ABCC4: variants seen among roughly 807,000 people sequenced by gnomAD.
The protein encoded by ABCC4 is ATP binding cassette subfamily C member 4 (PEL blood group).
Under a neutral mutation model 168.5 loss-of-function variants are expected in ABCC4, and 102 were observed. That is an observed-to-expected ratio of 0.61 (90% CI 0.52 to 0.71). The LOEUF is 0.71. ABCC4 is among the 30% of genes least tolerant of loss of function. The pLI is 0.00. For missense variants in ABCC4, 1,402 were observed against 1,605.8 expected (o/e 0.87, Z 2.17); for synonymous variants, 617 against 590.7 (o/e 1.04, Z -0.65).
chr13:95,157,796 C>T (rs534479980), intron 19 of ABCC4, among the ~76,000 whole-genome samples: 3 of 152,248 alleles, frequency 2.0e-5, no homozygotes, highest in South Asian at 2.1e-4. Flanking sequence ...TCAGGCCGGG[C>T]GCGGTGGCTC....
intron 1 of ABCC4, among the ~76,000 whole-genome samples, chr13:95,255,736 C>CA (rs2040376740): frequency 6.6e-6 from 1 of 152,168 alleles, no homozygotes; most frequent in Non-Finnish European, 1.5e-5. Flanking sequence ...GGACCCTGTC[C>CA]ACCTCTCTTC....
intron 8 of ABCC4, among the ~76,000 whole-genome samples, chr13:95,205,843 C>T (rs995202555): frequency 4.6e-5 from 7 of 152,102 alleles, no homozygotes; most frequent in South Asian, 2.1e-4. Context: ...GTTTCCTCCA[C>T]GATGGGAGGA....
chr13:95,205,757 G>A (rs1050917856), intron 8 of ABCC4, among the ~76,000 whole-genome samples: 17 of 152,312 alleles, frequency 1.1e-4, no homozygotes, highest in African/African-American at 3.1e-4. Context: ...AGGTCGCTAC[G>A]GCAGAGCCCT....
intron 1 of ABCC4, among the ~76,000 whole-genome samples, chr13:95,276,956 T>C (rs2040987033): frequency 6.6e-6 from 1 of 151,810 alleles, no homozygotes. Context: ...GAGGCAAAAG[T>C]TGGAGTTAGC....
chr13:95,091,091 T>C (rs1166056004), intron 20 of ABCC4, among the ~76,000 whole-genome samples: 2 of 151,780 alleles, frequency 1.3e-5, no homozygotes, highest in African/African-American at 2.4e-5. Context: ...ATCCAACAAA[T>C]ACAAATGGAA....
At chr13:95,161,974 T>C (rs570260644) in intron 18 of ABCC4, among the ~76,000 whole-genome samples, 2 of 152,230 alleles carry the variant, frequency 1.3e-5, no homozygotes, top group Non-Finnish European at 1.5e-5. Flanking sequence ...TCATACATTT[T>C]ATTAAGACAT....
intron 26 of ABCC4, among the ~76,000 whole-genome samples, chr13:95,059,671 T>C (rs2033213161): frequency 6.6e-6 from 1 of 152,216 alleles, no homozygotes; most frequent in Non-Finnish European, 1.5e-5. Flanking sequence ...GCTTCACTAT[T>C]TAAATTTACA....
At chr13:95,078,616 G>C (rs1048013166) in intron 21 of ABCC4, among the ~76,000 whole-genome samples, 11 of 152,156 alleles carry the variant, frequency 7.2e-5, no homozygotes, top group African/African-American at 2.7e-4. Flanking sequence ...GCACGCCCCA[G>C]ATGTTCTAGC....
intron 3 of ABCC4, among the ~76,000 whole-genome samples, chr13:95,241,991 CT>C (rs1435613960): frequency 1.1e-4 from 17 of 152,128 alleles, no homozygotes; most frequent in Admixed American, 1.1e-3. Flanking sequence ...TTATATTCTA[CT>C]GTTCAACCTC....
intron 13 of ABCC4, among the ~76,000 whole-genome samples, chr13:95,177,157 T>A (rs2037731303): frequency 6.6e-6 from 1 of 152,144 alleles, no homozygotes. Flanking sequence ...ATGGAGCAAA[T>A]CATTCTTAAA....
At chr13:95,052,632 C>T (rs1473061084) in intron 27 of ABCC4, among the ~76,000 whole-genome samples, 1 of 152,132 alleles carries the variant, frequency 6.6e-6, no homozygotes, top group African/African-American at 2.4e-5. Flanking sequence ...CCCATTCCAA[C>T]TGTATAATTT....
At chr13:95,085,650 C>T (rs1436245628) in intron 20 of ABCC4, among the ~76,000 whole-genome samples, 1 of 152,126 alleles carries the variant, frequency 6.6e-6, no homozygotes, top group Non-Finnish European at 1.5e-5. Context: ...TTCTCAGCAC[C>T]ACCACCTGCA....
chr13:95,258,372 T>C (rs2040444631), intron 1 of ABCC4, among the ~76,000 whole-genome samples: 1 of 152,152 alleles, frequency 6.6e-6, no homozygotes, highest in African/African-American at 2.4e-5. Flanking sequence ...GTTTGTCCCC[T>C]TGCGTGCGAG....
rs1481706677 is a variant in ABCC4, at chr13:95,044,327, C to T, written c.3568G>A (p.Ala1190Thr). 3 of 1,613,282 alleles carry T rather than the reference C, an allele frequency of 1.9e-6. No homozygotes were observed. Among genetic ancestry groups the T allele is most frequent in the African/African-American group, 1.3e-5 (1 of 74,870 alleles). Reference sequence around the variant, plus strand: ...AATATCTGATTTTTCCTGAGAATTGCCCTGGCAAGGCACACCAGTTGTCTT... The same window carrying T: ...AATATCTGATTTTTCCTGAGAATTGTCCTGGCAAGGCACACCAGTTGTCTT... ...GQRQLVCLARAILRKNQILII... is the reference protein window; with the variant it reads ...GQRQLVCLARTILRKNQILII... Residue 1190 changes from alanine (A) to threonine (T), a missense_variant, in exon 28 of 31, where the codon GCA (alanine) becomes ACA (threonine). Ala to Thr is a moderately conservative substitution (Grantham distance 58, BLOSUM62 0). Transcript: ENST00000645237.
intron 20 of ABCC4, among the ~76,000 whole-genome samples, chr13:95,092,555 A>G (rs1005108742): frequency 1.3e-5 from 2 of 152,134 alleles, no homozygotes; most frequent in African/African-American, 4.8e-5. Flanking sequence ...ACCTATCAAA[A>G]CCTCTGGGAT....
chr13:95,095,154 A>G (rs556451033), intron 20 of ABCC4, among the ~76,000 whole-genome samples: 56 of 152,366 alleles, frequency 3.7e-4, no homozygotes, highest in African/African-American at 1.2e-3. Flanking sequence ...CTATCTACCC[A>G]GAGGAAAATA....
Position 95,186,837 on chromosome 13 carries a change from C to A in ABCC4, c.1409G>T (p.Ser470Ile), listed in dbSNP as rs755928739. The change falls in exon 11 of 31, where the codon AGC becomes ATC. Residue 470 changes from serine to isoleucine, a missense_variant. Transcript: ENST00000645237. Reference sequence around the variant, plus strand: ...CACATAGGCAATTCTTCCATGCACGCTGACCAGCCCGTGACTTGGGGCCAA... The same window carrying A: ...CACATAGGCAATTCTTCCATGCACGATGACCAGCCCGTGACTTGGGGCCAA... ...GELAPSHGLVSVHGRIAYVSQ... is the reference protein window; with the variant it reads ...GELAPSHGLVIVHGRIAYVSQ... The A allele has an allele frequency of 6.2e-7, 1 of 1,614,138 alleles. No homozygotes were observed. The highest frequency in any genetic ancestry group is 1.1e-5 in the South Asian group (1 of 91,062).
intron 19 of ABCC4, among the ~76,000 whole-genome samples, chr13:95,126,734 T>TATATATATTCCAAA (rs1555316772): frequency 0.027 from 3,298 of 123,922 alleles, 417 homozygotes; most frequent in African/African-American, 0.095. Context: ...TATATATATA[T>TATATATATTCCAAA]ATATATATAT....
At chr13:95,062,486 T>TCACACA (rs1490489305) in intron 26 of ABCC4, among the ~76,000 whole-genome samples, 7,924 of 144,524 alleles carry the variant, frequency 0.055, 661 homozygotes, top group African/African-American at 0.18. Context: ...TTATTAAATA[T>TCACACA]CACACACACA....
Sources: allele counts gnomAD v4.1 joint callset (sites outside exome capture counted in the v4.1 genomes callset), GRCh38; gene constraint gnomAD v4.1.1; transcripts MANE v1.5; gene names NCBI Gene and HGNC (gene_info 2026-07-23, HGNC 2026-07-21).